The following GALNT13 variants were observed in gnomAD, a reference collection of about 807,000 sequenced individuals.
GALNT13 encodes the protein polypeptide N-acetylgalactosaminyltransferase 13.
GALNT13 carries 28 observed loss-of-function variants against 64.2 expected under a neutral mutation model. That is an observed-to-expected ratio of 0.44 (90% CI 0.32 to 0.60). GALNT13 has a LOEUF of 0.60. GALNT13 is among the 20% of genes least tolerant of loss of function. The pLI is 0.05. For missense variants in GALNT13, 577 were observed against 669.8 expected (o/e 0.86, Z 1.53); for synonymous variants, 214 against 224.6 (o/e 0.95, Z 0.42).
the GALNT13 span, among the ~76,000 whole-genome samples, chr2:153,269,894 G>C: frequency 6.6e-6 from 1 of 152,088 alleles, no homozygotes. Flanking sequence ...ACTATCATAA[G>C]AACAGTATGG....
intron 2 of GALNT13, among the ~76,000 whole-genome samples, chr2:153,919,167 T>C (rs1462137884): frequency 1.3e-5 from 2 of 152,080 alleles, no homozygotes; most frequent in Non-Finnish European, 2.9e-5. Context: ...TTTCTTAAAA[T>C]ACATATTCTA....
intron 9 of GALNT13, among the ~76,000 whole-genome samples, chr2:154,336,404 G>A (rs1046830252): frequency 4.6e-5 from 7 of 151,976 alleles, no homozygotes; most frequent in African/African-American, 1.7e-4. Flanking sequence ...TCACGTCAGA[G>A]ATATTCTTGG....
intron 9 of GALNT13, among the ~76,000 whole-genome samples, chr2:154,342,112 T>A (rs1695804858): frequency 6.6e-6 from 1 of 152,026 alleles, no homozygotes; most frequent in Non-Finnish European, 1.5e-5. Flanking sequence ...AAAAACTCAA[T>A]GTCTTCATTT....
At chr2:153,426,963 C>T in the GALNT13 span, among the ~76,000 whole-genome samples, 1 of 151,802 alleles carries the variant, frequency 6.6e-6, no homozygotes, top group East Asian at 1.9e-4. Context: ...TTTGCCTTTT[C>T]TGTTGATAAC....
chr2:153,430,929 AT>A, the GALNT13 span, among the ~76,000 whole-genome samples: 2 of 151,988 alleles, frequency 1.3e-5, no homozygotes, highest in Non-Finnish European at 2.9e-5. Context: ...AGGTGGGCGG[AT>A]CACAAGGTCA....
the GALNT13 span, among the ~76,000 whole-genome samples, chr2:153,167,402 C>T: frequency 4.5e-3 from 686 of 152,314 alleles, 9 homozygotes; most frequent in African/African-American, 0.016. Context: ...TTGTGTTGAA[C>T]GTGTAGTAGC....
At chr2:154,419,371 T>C (rs1460079049) in intron 11 of GALNT13, among the ~76,000 whole-genome samples, 2 of 152,172 alleles carry the variant, frequency 1.3e-5, no homozygotes, top group Admixed American at 1.3e-4. Flanking sequence ...TTTTCTTTCT[T>C]AAGATCTCTT....
the GALNT13 span, among the ~76,000 whole-genome samples, chr2:153,782,503 T>C: frequency 6.6e-6 from 1 of 152,162 alleles, no homozygotes; most frequent in Non-Finnish European, 1.5e-5. Context: ...ATATTATAAT[T>C]GTATGGGACC....
chr2:153,322,610 G>C, the GALNT13 span, among the ~76,000 whole-genome samples: 1 of 151,932 alleles, frequency 6.6e-6, no homozygotes, highest in Admixed American at 6.6e-5. Flanking sequence ...CCATCAACCC[G>C]TTATCTACAT....
At position 154,288,012 on chromosome 2, in the gene GALNT13, C is replaced by G. The variant is rs531857170; in HGVS notation, c.976-13397C>G. 3.6e-4 allele frequency among the ~76,000 whole-genome samples: 55 copies of G among 152,128 alleles called. 1 individual carries two copies. In the South Asian group the frequency reaches 0.011, roughly 31 times the overall value. ...TTATTGGTCCCTGTATTAGTCCGTTCTCACACTGCTAGTAAAGACATACCC... is the reference window on the plus strand; with the variant it reads ...TTATTGGTCCCTGTATTAGTCCGTTGTCACACTGCTAGTAAAGACATACCC... On this transcript the variant is annotated intron_variant, in intron 8 of 12. Coordinates refer to ENST00000392825, the MANE Select transcript of GALNT13 (RefSeq NM_052917.4).
At chr2:153,765,717 G>A in the GALNT13 span, among the ~76,000 whole-genome samples, 1 of 152,110 alleles carries the variant, frequency 6.6e-6, no homozygotes, top group East Asian at 1.9e-4. Flanking sequence ...GATATGGTTA[G>A]GCTGTGTCCT....
At chr2:153,133,974 T>C in the GALNT13 span, among the ~76,000 whole-genome samples, 3 of 152,320 alleles carry the variant, frequency 2.0e-5, no homozygotes, top group East Asian at 5.8e-4. Flanking sequence ...TTGGAATGCA[T>C]ATCACTACCT....
the GALNT13 span, among the ~76,000 whole-genome samples, chr2:153,698,165 A>C: frequency 3.6e-4 from 55 of 152,296 alleles, 2 homozygotes; most frequent in South Asian, 0.011. Context: ...GAGAGATAAC[A>C]CTATGAAGAA....
the GALNT13 span, among the ~76,000 whole-genome samples, chr2:153,342,637 A>G: frequency 6.6e-6 from 1 of 152,224 alleles, no homozygotes; most frequent in Admixed American, 6.5e-5. Context: ...TACAGGTGGT[A>G]AAGAAATGAC....
chr2:153,425,727 CAATTT>C, the GALNT13 span, among the ~76,000 whole-genome samples: 2 of 151,758 alleles, frequency 1.3e-5, no homozygotes, highest in African/African-American at 4.8e-5. Context: ...AAAATAAAGT[CAATTT>C]AATATGCCTG....
chr2:153,184,781 G>A, the GALNT13 span, among the ~76,000 whole-genome samples: 1 of 152,148 alleles, frequency 6.6e-6, no homozygotes, highest in African/African-American at 2.4e-5. Context: ...ATTTGCATAT[G>A]TTGAGCCAAC....
the GALNT13 span, among the ~76,000 whole-genome samples, chr2:153,311,038 G>A: frequency 8.6e-5 from 13 of 151,990 alleles, no homozygotes; most frequent in African/African-American, 2.4e-4. Flanking sequence ...AAATTCATCC[G>A]TACACCATTG....
intron 3 of GALNT13, among the ~76,000 whole-genome samples, chr2:153,963,658 T>A (rs2105100901): frequency 6.6e-6 from 1 of 152,090 alleles, no homozygotes; most frequent in Admixed American, 6.6e-5. Context: ...TGACTTGGAT[T>A]TCGTGATAAC....
the GALNT13 span, among the ~76,000 whole-genome samples, chr2:153,438,554 T>C: frequency 4.6e-5 from 7 of 152,226 alleles, no homozygotes; most frequent in Admixed American, 4.6e-4. Context: ...TAAACTTCTC[T>C]TCTTGCTTCA....
Sources: allele counts gnomAD v4.1 joint callset (sites outside exome capture counted in the v4.1 genomes callset), GRCh38; gene constraint gnomAD v4.1.1; transcripts MANE v1.5; gene names NCBI Gene and HGNC (gene_info 2026-07-23, HGNC 2026-07-21).